The following LMNTD1 variants were observed in gnomAD, a reference collection of about 807,000 sequenced individuals.
LMNTD1 encodes the protein lamin tail domain containing 1, also known as lamin tail domain-containing protein 1.
A neutral mutation model predicts 50.9 loss-of-function variants in LMNTD1; 35 were observed. The ratio of observed to expected loss-of-function variants is 0.69; its 90% CI spans 0.53 to 0.91. LMNTD1 has a LOEUF of 0.91. Among genes scored for constraint, LMNTD1 ranks in the 40% least tolerant of loss-of-function variants. The pLI is 0.00. For synonymous variants in LMNTD1, 153 were observed against 161.9 expected (o/e 0.94, Z 0.42); for missense variants, 470 against 475.5 (o/e 0.99, Z 0.11).
intron 9 of LMNTD1, among the ~76,000 whole-genome samples, chr12:25,488,287 G>A (rs960549785): frequency 1.6e-5 from 2 of 123,176 alleles, no homozygotes; most frequent in Non-Finnish European, 3.6e-5. Context: ...ACGTAGATTT[G>A]GTCTTTTCAC....
At chr12:25,530,220 T>A (rs1942123094) in intron 4 of LMNTD1, among the ~76,000 whole-genome samples, 1 of 152,210 alleles carries the variant, frequency 6.6e-6, no homozygotes, top group Non-Finnish European at 1.5e-5. Context: ...CGTAGCATAG[T>A]ATTTAATTAT....
At position 25,542,784 on chromosome 12, in the gene LMNTD1, G is replaced by C. The variant is rs1726745244; in HGVS notation, c.491+3590C>G. 5.4e-5 allele frequency among the ~76,000 whole-genome samples: 8 copies of C among 147,824 alleles called. No individual in the cohort carries two copies. In the South Asian group the frequency reaches 1.7e-3, roughly 32 times the overall value. On this transcript the variant is annotated intron_variant, in intron 4 of 9. Coordinates refer to ENST00000458174, the MANE Select transcript of LMNTD1 (RefSeq NM_001145728.2). ...AAGCCCAAAGTAGACAGAAGAAAGG[G>C]AATGTAGCCCAAAATGAAAATCAAT...
chr12:25,503,161 C>G (rs1411942954), intron 9 of LMNTD1: 2 of 152,236 alleles, frequency 1.3e-5, no homozygotes, highest in African/African-American at 4.8e-5. Context: ...AAAACACCAC[C>G]TTGTCATTAG....
intron 1 of LMNTD1, chr12:25,582,534 G>A (rs1048693894): frequency 3.9e-5 from 6 of 152,154 alleles, no homozygotes; most frequent in South Asian, 4.1e-4. Flanking sequence ...CTCAAAGTGC[G>A]GAAACATTAA....
chr12:25,610,652 T>A (rs1946220061), intron 1 of LMNTD1, among the ~76,000 whole-genome samples: 1 of 152,014 alleles, frequency 6.6e-6, no homozygotes, highest in Non-Finnish European at 1.5e-5. Context: ...AGAGGCTGAA[T>A]TGAAGTGGTG....
intron 1 of LMNTD1, among the ~76,000 whole-genome samples, chr12:25,598,543 A>G (rs1945890664): frequency 6.6e-6 from 1 of 152,024 alleles, no homozygotes; most frequent in South Asian, 2.1e-4. Context: ...TGAAAACAAT[A>G]CAGAAGATCA....
At chr12:25,598,861 A>T (rs1040209071) in intron 1 of LMNTD1, among the ~76,000 whole-genome samples, 1 of 152,090 alleles carries the variant, frequency 6.6e-6, no homozygotes, top group Admixed American at 6.6e-5. Flanking sequence ...CATAAAAAAA[A>T]TGTCTCCCAG....
At chr12:25,545,304 A>T (rs1288971656) in intron 4 of LMNTD1, among the ~76,000 whole-genome samples, 1 of 151,586 alleles carries the variant, frequency 6.6e-6, no homozygotes, top group Non-Finnish European at 1.5e-5. Flanking sequence ...CATGGTTTCC[A>T]CTGAGAAGTC....
intron 1 of LMNTD1, among the ~76,000 whole-genome samples, chr12:25,591,206 T>G (rs1173402751): frequency 6.9e-6 from 1 of 145,388 alleles, no homozygotes; most frequent in Non-Finnish European, 1.6e-5. Context: ...AAGATCCTTG[T>G]TTTCTTCCCT....
intron 1 of LMNTD1, among the ~76,000 whole-genome samples, chr12:25,644,029 AAG>A (rs1947007756): frequency 6.6e-6 from 1 of 152,206 alleles, no homozygotes. Context: ...CATAAAAGCC[AAG>A]AGAGAAAAGT....
At chr12:25,555,852 G>A (rs1944017659), upstream of LMNTD1, among the ~76,000 whole-genome samples, 1 of 152,006 alleles carries the variant, frequency 6.6e-6, no homozygotes, top group African/African-American at 2.4e-5. Flanking sequence ...CCTCAGTTTG[G>A]GATGCACAGA....
intron 9 of LMNTD1, among the ~76,000 whole-genome samples, chr12:25,480,078 A>C (rs912160505): frequency 2.6e-5 from 4 of 152,180 alleles, no homozygotes; most frequent in African/African-American, 7.2e-5. Flanking sequence ...TTGATTATTA[A>C]AATCCTCCTC....
At chr12:25,633,907 A>C (rs1449504179) in intron 1 of LMNTD1, among the ~76,000 whole-genome samples, 2 of 152,216 alleles carry the variant, frequency 1.3e-5, no homozygotes, top group African/African-American at 4.8e-5. Context: ...ATCTTTGAAA[A>C]GATAAATAAA....
At position 25,497,341 on chromosome 12, in the gene LMNTD1, C is replaced by G. The variant is rs192187316; in HGVS notation, c.*22+6397G>C. Among the ~76,000 whole-genome samples the G allele has an allele frequency of 9.2e-5, 14 of 152,202 alleles. No homozygotes were observed. The East Asian group carries it at 2.7e-3, about 29-fold the overall frequency. The stretch of plus-strand genomic sequence containing the variant: ...CGGCGGGAAGCACTGTAGCAGGGGA[C>G]TGGCCTTGCAGAGGATCCCTGTTTC... On this transcript the variant is annotated intron_variant, in intron 9 of 9. Transcript: ENST00000458174.
intron 5 of LMNTD1, 60 bp downstream of exon 5, chr12:25,526,705 TGTCA>T: frequency 9.2e-7 from 1 of 1,084,324 alleles, no homozygotes; most frequent in Non-Finnish European, 1.3e-6. Context: ...AGCCACAGAC[TGTCA>T]GTGTCAACAA....
At chr12:25,526,674 A>G in intron 5 of LMNTD1, 95 bp downstream of exon 5, 1 of 780,976 alleles carries the variant, frequency 1.3e-6, no homozygotes. Flanking sequence ...ATCCAGATAG[A>G]GTGATAACGA....
At chr12:25,559,354 G>A (rs1035979701) in intron 1 of LMNTD1, among the ~76,000 whole-genome samples, 9 of 151,978 alleles carry the variant, frequency 5.9e-5, no homozygotes, top group East Asian at 1.9e-4. Context: ...CTTCATCCAC[G>A]TCCCTTCAAA....
intron 4 of LMNTD1, among the ~76,000 whole-genome samples, chr12:25,540,336 G>A (rs1942967442): frequency 1.9e-5 from 1 of 53,204 alleles, no homozygotes; most frequent in African/African-American, 5.6e-5. Flanking sequence ...ATAAAATACT[G>A]GCAAACCGAA....
upstream of LMNTD1, among the ~76,000 whole-genome samples, chr12:25,556,630 T>C (rs978242938): frequency 2.0e-5 from 3 of 152,152 alleles, no homozygotes; most frequent in Non-Finnish European, 4.4e-5. Flanking sequence ...TTACCCCGCG[T>C]TGGGAAAGTA....
Sources: gnomAD v4.1 joint callset for allele counts (sites outside exome capture counted in the v4.1 genomes callset) on GRCh38, gnomAD v4.1.1 for gene constraint, MANE v1.5 for transcripts, NCBI Gene and HGNC (gene_info 2026-07-23, HGNC 2026-07-21) for gene names.